ANKRD11: variants seen among roughly 807,000 people sequenced by gnomAD.
The protein encoded by ANKRD11 is ankyrin repeat domain-containing protein 11.
A neutral mutation model predicts 195.7 loss-of-function variants in ANKRD11; 17 were observed. That is an observed-to-expected ratio of 0.09 (90% CI 0.06 to 0.13). ANKRD11 has a LOEUF of 0.13. ANKRD11 is among the 10% of genes least tolerant of loss of function. ANKRD11 has a pLI of 1.00. For synonymous variants in ANKRD11, 1,953 were observed against 1,528.1 expected, an observed-to-expected ratio of 1.28 and a Z score of -6.49; for missense variants, 3,735 against 3,566.1, an observed-to-expected ratio of 1.05 and a Z score of -1.21.
rs192004280 is a variant in ANKRD11, at chr16:89,388,678, C to T, written c.-60+29606G>A. ...AGCCCTGCGATGAGCCGGGGACCCC[C>T]TTGGAGGTTTAGCGGACAGGACGTC... On this transcript the variant is annotated intron_variant, in intron 2 of 12. Transcript: ENST00000301030. Among the ~76,000 whole-genome samples the T allele has an allele frequency of 2.6e-5, 4 of 152,296 alleles. No homozygotes were observed. In the East Asian group the frequency reaches 7.7e-4, roughly 29 times the overall value.
At chr16:89,373,279 A>C (rs992526414) in intron 2 of ANKRD11, 2 of 152,264 alleles carry the variant, frequency 1.3e-5, no homozygotes, top group Non-Finnish European at 2.9e-5. Flanking sequence ...TCCCCAGATA[A>C]GTGGTAAGGC....
rs139985749 is a variant in ANKRD11, at chr16:89,414,041, G to A, written c.-60+4243C>T. Among the ~76,000 whole-genome samples, 776 of 149,268 alleles carry A rather than the reference G, an allele frequency of 5.2e-3. 5 individuals carry two copies. Among genetic ancestry groups the A allele is most frequent in the African/African-American group, 0.018 (749 of 40,734 alleles). On this transcript the variant is annotated intron_variant, in intron 2 of 12. Transcript: ENST00000301030. ...ACCACCACGGGCCTGCACACCCTCC[G>A]CCACGGGCCTGCACACCCTCCAGGA... is the stretch of plus-strand genomic sequence containing the variant.
rs551248340 is a variant in ANKRD11 at position 89,374,561 on chromosome 16, C to T, written c.-60+43723G>A. 8.4e-4 allele frequency among the ~76,000 whole-genome samples: 128 copies of T among 152,326 alleles called. No homozygotes were observed. The Middle Eastern group carries it at 0.024, about 28-fold the overall frequency. ...CCGGCCGCTGTGTGTGTGAGCTACA[C>T]TCTGTCCTATGCTTCCAGGATGCGC... On this transcript the variant is annotated intron_variant, in intron 2 of 12. Transcript: ENST00000301030.
chr16:89,451,706 C>T (rs2044083154), intron 1 of ANKRD11, among the ~76,000 whole-genome samples: 1 of 151,956 alleles, frequency 6.6e-6, no homozygotes, highest in South Asian at 2.1e-4. Context: ...CTAGAGCCAC[C>T]GCACCTGGCC....
At chr16:89,488,649 TA>T (rs767134409) in intron 1 of ANKRD11, among the ~76,000 whole-genome samples, 7 of 152,152 alleles carry the variant, frequency 4.6e-5, no homozygotes, top group Non-Finnish European at 1.0e-4. Context: ...ACAAAAACAG[TA>T]ACTGTTTCGA....
At chr16:89,344,191 C>A (rs540843220) in intron 2 of ANKRD11, among the ~76,000 whole-genome samples, 8 of 152,320 alleles carry the variant, frequency 5.3e-5, no homozygotes, top group African/African-American at 1.9e-4. Flanking sequence ...AGATTCCCAG[C>A]CCCTAAGTCA....
At chr16:89,430,931 C>G (rs1303438596) in intron 1 of ANKRD11, among the ~76,000 whole-genome samples, 1 of 152,084 alleles carries the variant, frequency 6.6e-6, no homozygotes. Context: ...ACAAAGGAAA[C>G]CCCTGTGAGC....
rs187530126 is a variant in ANKRD11 at position 89,406,295 on chromosome 16, G to A, written c.-60+11989C>T. Among the ~76,000 whole-genome samples the A allele has an allele frequency of 3.7e-3, 568 of 152,232 alleles. 10 individuals are homozygous for A. The highest frequency in any genetic ancestry group is 0.028 in the Admixed American group (421 of 15,288). ...CAGGACAGACATGTCTCAGGCCAAC[G>A]GCACTGACAGAAGCACAGACCCTCA... On this transcript the variant is annotated intron_variant, in intron 2 of 12. Coordinates refer to ENST00000301030, the MANE Select transcript of ANKRD11 (RefSeq NM_013275.6).
At chr16:89,418,400 A>T (rs1303923975) in intron 1 of ANKRD11, 32 bp from the exon 2 acceptor site, 2 of 424,988 alleles carry the variant, frequency 4.7e-6, no homozygotes, top group African/African-American at 4.1e-5. Flanking sequence ...AGCTCATGTC[A>T]ATAATAATTT....
At chr16:89,412,012 G>T (rs1297216434) in intron 2 of ANKRD11, among the ~76,000 whole-genome samples, 1 of 103,548 alleles carries the variant, frequency 9.7e-6, no homozygotes. Context: ...TCCTGGCCGT[G>T]CCCCATCCCT....
Position 89,389,226 on chromosome 16 carries a change from C to T in ANKRD11, c.-60+29058G>A, listed in dbSNP as rs189422477. ...TTTTAGTAGAGATGAGGTCTCCTTA[C>T]GTTGCCCAGTCTGGTCTCAAACTCC... On this transcript the variant is annotated intron_variant, in intron 2 of 12. Transcript: ENST00000301030. Among the ~76,000 whole-genome samples, 101 of 151,860 alleles carry T rather than the reference C, an allele frequency of 6.7e-4. 1 individual carries two copies. In the Middle Eastern group the frequency reaches 0.01, roughly 15 times the overall value.
intron 2 of ANKRD11, among the ~76,000 whole-genome samples, chr16:89,417,832 C>A (rs2042368157): frequency 6.6e-6 from 1 of 151,884 alleles, no homozygotes; most frequent in Non-Finnish European, 1.5e-5. Flanking sequence ...CATCCAAGGA[C>A]AACCAGGCAA....
chr16:89,315,792 C>A (rs1036563246), intron 3 of ANKRD11, among the ~76,000 whole-genome samples: 1 of 152,184 alleles, frequency 6.6e-6, no homozygotes, highest in African/African-American at 2.4e-5. Flanking sequence ...TGGACTGAGT[C>A]GCCATCATGT....
chr16:89,348,779 C>A (rs1183316625), intron 2 of ANKRD11, among the ~76,000 whole-genome samples: 1 of 151,784 alleles, frequency 6.6e-6, no homozygotes, highest in African/African-American at 2.4e-5. Flanking sequence ...TATAAGATCA[C>A]AGCAATGTCC....
At chr16:89,268,856 T>C (rs2032869755) in intron 12 of ANKRD11, among the ~76,000 whole-genome samples, 193 bp from the exon 13 acceptor site, 1 of 152,224 alleles carries the variant, frequency 6.6e-6, no homozygotes, top group South Asian at 2.1e-4. Flanking sequence ...GTGCTACATG[T>C]CTGTCCCCAT....
intron 2 of ANKRD11, among the ~76,000 whole-genome samples, chr16:89,397,509 GCTC>G (rs1449344734): frequency 1.3e-5 from 2 of 152,314 alleles, no homozygotes; most frequent in East Asian, 3.9e-4. Flanking sequence ...TGCTATCCGC[GCTC>G]CTTTCTGTGC....
intron 12 of ANKRD11, chr16:89,270,577 G>A (rs1470219197): frequency 9.0e-6 from 5 of 554,760 alleles, no homozygotes; most frequent in Non-Finnish European, 1.6e-5. Flanking sequence ...TTGAGCTGGC[G>A]ACAGGAGCCG....
At chr16:89,472,400 C>T (rs117000825) in intron 1 of ANKRD11, among the ~76,000 whole-genome samples, 1 of 152,076 alleles carries the variant, frequency 6.6e-6, no homozygotes, top group Non-Finnish European at 1.5e-5. Context: ...GAAAAAAAAC[C>T]GTCTCAGACT....
chr16:89,281,687 T>TG lies in ANKRD11; in HGVS notation c.4854dup (p.Lys1619GlnfsTer22). On this transcript the variant is annotated frameshift_variant, in exon 9 of 13. Transcript: ENST00000301030. LOFTEE classifies it high-confidence loss of function. The surrounding 1 kb of genome is among the most constrained non-coding windows in gnomAD (Gnocchi z 5.5). ...GCCGGCTTCGCCTTCTCCTTGAGCTTGGGGTCTCCGGACCGGTGCCTCAGC... is the reference window on the plus strand; with the variant it reads ...GCCGGCTTCGCCTTCTCCTTGAGCTTGGGGGTCTCCGGACCGGTGCCTCAGC... The TG allele has an allele frequency of 6.2e-7, 1 of 1,614,164 alleles. No individual in the cohort carries two copies. The highest frequency in any genetic ancestry group is 8.5e-7 in the Non-Finnish European group (1 of 1,180,038).
Sources: gnomAD v4.1 joint callset for allele counts (sites outside exome capture counted in the v4.1 genomes callset) on GRCh38, gnomAD v4.1.1 for gene constraint, Gnocchi (gnomAD v3.1) non-coding constraint, MANE v1.5 for transcripts, NCBI Gene and HGNC (gene_info 2026-07-23, HGNC 2026-07-21) for gene names.